The following AKAP6 variants were observed in gnomAD, a reference collection of about 807,000 sequenced individuals.
AKAP6 encodes the protein A-kinase anchoring protein 6.
Under a neutral mutation model 188.5 loss-of-function variants are expected in AKAP6, and 58 were observed. The observed-to-expected ratio is 0.31, with a 90% confidence interval of 0.25 to 0.38. AKAP6 has a LOEUF of 0.38. Ranked by LOEUF, AKAP6 falls within the 10% of genes least tolerant of loss-of-function variation. The pLI is 1.00. For synonymous variants in AKAP6, 989 were observed against 998.6 expected, an observed-to-expected ratio of 0.99 and a Z score of 0.18; for missense variants, 2,710 against 2,740.0, an observed-to-expected ratio of 0.99 and a Z score of 0.24.
In AKAP6 at chr14:32,544,314, G is replaced by C. The variant is rs190575218; in HGVS notation, c.577-916G>C. On this transcript the variant is annotated intron_variant, in intron 3 of 13. Transcript: ENST00000280979. ...TAGGCAAAATAGGATAGTTCCCAGG[G>C]CTCTTCTACCCCAAACAAATCATCA... Among the ~76,000 whole-genome samples the C allele has an allele frequency of 3.1e-4, 47 of 152,266 alleles. No individual in the cohort carries two copies. The East Asian group carries it at 7.3e-3, about 24-fold the overall frequency.
intron 1 of AKAP6, among the ~76,000 whole-genome samples, chr14:32,342,183 T>A (rs1886911442): frequency 6.6e-6 from 1 of 152,224 alleles, no homozygotes; most frequent in African/African-American, 2.4e-5. Flanking sequence ...TAGCCTCTGA[T>A]TATTTTCTCC....
intron 4 of AKAP6, among the ~76,000 whole-genome samples, chr14:32,561,673 T>C (rs1028698904): frequency 6.6e-6 from 1 of 152,188 alleles, no homozygotes; most frequent in Non-Finnish European, 1.5e-5. Context: ...CACTGTAATA[T>C]GACAAGAGCC....
chr14:32,829,793 C>A, intron 13 of AKAP6, 55 bp from the exon 14 acceptor site: 1 of 665,414 alleles, frequency 1.5e-6, no homozygotes, highest in Middle Eastern at 2.5e-4. Context: ...CTTGGTTTTG[C>A]TAATGAAAAA....
At chr14:32,591,194 ACCT>A (rs1885471330) in intron 5 of AKAP6, among the ~76,000 whole-genome samples, 1 of 151,930 alleles carries the variant, frequency 6.6e-6, no homozygotes, top group Admixed American at 6.6e-5. Flanking sequence ...GCCAGCACTG[ACCT>A]CCTTTTCAAT....
In AKAP6 at chr14:32,696,846, G is replaced by C. The variant is rs373688663; in HGVS notation, c.3000+736G>C. 3.2e-4 allele frequency among the ~76,000 whole-genome samples: 48 copies of C among 149,652 alleles called. 1 individual carries two copies. Among genetic ancestry groups the C allele is most frequent in the Middle Eastern group, 7.0e-3 (2 of 284 alleles). ...TCACAGTGCCTGCAAAAGCTGTCAG[G>C]GGGAGGGAAGAGGGACTTTCCACTG... On this transcript the variant is annotated intron_variant, in intron 9 of 13. Coordinates refer to ENST00000280979, the MANE Select transcript of AKAP6 (RefSeq NM_004274.5).
intron 1 of AKAP6, among the ~76,000 whole-genome samples, chr14:32,333,769 A>G (rs770759827): frequency 5.9e-5 from 9 of 152,196 alleles, no homozygotes; most frequent in Non-Finnish European, 1.0e-4. Flanking sequence ...CAAATAGTGC[A>G]TGTCTATCTC....
chr14:32,774,985 C>A (rs1179577406), intron 12 of AKAP6, among the ~76,000 whole-genome samples: 4 of 152,120 alleles, frequency 2.6e-5, no homozygotes, highest in Admixed American at 6.5e-5. Flanking sequence ...CCATCTAATT[C>A]TTTTTGCATC....
intron 7 of AKAP6, among the ~76,000 whole-genome samples, chr14:32,667,666 G>GGA: frequency 6.6e-6 from 1 of 152,236 alleles, no homozygotes; most frequent in African/African-American, 2.4e-5. Context: ...ACTGAGCTGA[G>GGA]TGCTACTGTG....
chr14:32,465,370 GGTAC>G (rs1444053899), intron 2 of AKAP6, among the ~76,000 whole-genome samples: 2 of 65,846 alleles, frequency 3.0e-5, no homozygotes, highest in African/African-American at 5.7e-4. Flanking sequence ...AAAACAGCGT[GGTAC>G]TGGTACCAAA....
chr14:32,421,543 C>T (rs1889851592), intron 1 of AKAP6, among the ~76,000 whole-genome samples: 1 of 151,504 alleles, frequency 6.6e-6, no homozygotes, highest in Non-Finnish European at 1.5e-5. Flanking sequence ...AATATCTTAT[C>T]TCTGATAATC....
chr14:32,794,855 G>A (rs891134925), intron 12 of AKAP6, among the ~76,000 whole-genome samples: 3 of 151,970 alleles, frequency 2.0e-5, no homozygotes, highest in African/African-American at 7.3e-5. Flanking sequence ...GAATCCAAGA[G>A]CTATTTTTTT....
At chr14:32,622,419 T>C (rs1261483810) in intron 7 of AKAP6, among the ~76,000 whole-genome samples, 1 of 151,976 alleles carries the variant, frequency 6.6e-6, no homozygotes, top group Non-Finnish European at 1.5e-5. Flanking sequence ...TAGAGACAAA[T>C]AGACATAATT....
intron 2 of AKAP6, among the ~76,000 whole-genome samples, chr14:32,444,902 G>C (rs932039822): frequency 2.0e-5 from 3 of 152,226 alleles, no homozygotes; most frequent in African/African-American, 7.2e-5. Context: ...AGTCAGGCAT[G>C]ATGAGGAGAG....
intron 4 of AKAP6, among the ~76,000 whole-genome samples, chr14:32,574,318 C>T (rs1428821510): frequency 6.6e-6 from 1 of 152,118 alleles, no homozygotes. Flanking sequence ...CTCCTGTTTC[C>T]CCTATATCAG....
chr14:32,700,230 G>T (rs540114736), intron 9 of AKAP6, among the ~76,000 whole-genome samples: 1 of 152,234 alleles, frequency 6.6e-6, no homozygotes, highest in African/African-American at 2.4e-5. Context: ...CCTATCAGAG[G>T]CTCCTTACCT....
At position 32,545,503 on chromosome 14, in the gene AKAP6, A is replaced by G; in HGVS notation, c.850A>G (p.Thr284Ala). ...TACGGTAGCTGCTGACTCTATCTCTACCAATGGCAGTGAAGCAGTTACTGA... is the reference window on the plus strand; with the variant it reads ...TACGGTAGCTGCTGACTCTATCTCTGCCAATGGCAGTGAAGCAGTTACTGA... ...LLTVAADSIS[T>A]NGSEAVTEEV... is the part of the protein sequence containing the mutation. The change falls in exon 4 of 14, where the codon ACC becomes GCC. Residue 284 changes from threonine to alanine, a missense_variant. Physicochemically the swap from Thr to Ala is moderately conservative, Grantham distance 58. This residue lies in a region of AKAP6 where 2,473 missense variants were observed against 2,426.1 expected (regional missense o/e 1.02). Transcript: ENST00000280979. 6.2e-7 allele frequency: 1 copy of G among 1,614,152 alleles called. No homozygotes were observed. The highest frequency in any genetic ancestry group is 8.5e-7 in the Non-Finnish European group (1 of 1,180,014).
At chr14:32,821,219 G>T (rs1157153944) in intron 12 of AKAP6, among the ~76,000 whole-genome samples, 183 bp from the exon 13 acceptor site, 1 of 152,174 alleles carries the variant, frequency 6.6e-6, no homozygotes, top group Non-Finnish European at 1.5e-5. Context: ...TGATAGAAAA[G>T]CCTCTTTCAG....
intron 1 of AKAP6, among the ~76,000 whole-genome samples, chr14:32,346,737 T>C (rs1293792384): frequency 1.3e-5 from 2 of 152,210 alleles, no homozygotes; most frequent in Middle Eastern, 3.2e-3. Context: ...CTCGATCTCC[T>C]GACCTTGTGA....
At chr14:32,676,719 A>G (rs1193460687) in intron 7 of AKAP6, among the ~76,000 whole-genome samples, 1 of 152,234 alleles carries the variant, frequency 6.6e-6, no homozygotes, top group Admixed American at 6.5e-5. Flanking sequence ...TAGTTATTTT[A>G]GCAGTGTTTC....
Sources: gnomAD v4.1 joint callset for allele counts (sites outside exome capture counted in the v4.1 genomes callset) on GRCh38, gnomAD v4.1.1 for gene constraint, gnomAD v4.1.1 regional missense constraint, MANE v1.5 for transcripts, NCBI Gene and HGNC (gene_info 2026-07-23, HGNC 2026-07-21) for gene names.